Variants in EGFL6 observed in about 807,000 individuals in gnomAD.
EGFL6 encodes the protein EGF like domain multiple 6, also known as epidermal growth factor-like protein 6.
Under a neutral mutation model 43.1 loss-of-function variants are expected in EGFL6, and 42 were observed. The observed-to-expected ratio is 0.98, with a 90% CI of 0.76 to 1.26. The LOEUF (loss-of-function observed/expected upper bound fraction) is 1.26. Among genes scored for constraint, EGFL6 ranks in the 50% most tolerant of loss-of-function variants. The pLI is 0.00. For synonymous variants in EGFL6, 164 were observed against 163.2 expected (o/e 1.01, Z -0.04); for missense variants, 429 against 427.8 (o/e 1.00, Z -0.02).
intron 7 of EGFL6, among the ~76,000 whole-genome samples, chrX:13,613,668 G>A (rs2045704343): frequency 9.0e-6 from 1 of 111,683 alleles, no homozygotes; most frequent in Admixed American, 9.5e-5. Flanking sequence ...TATTCACACA[G>A]AATAAGTGAG....
chrX:13,623,844 T>G lies in EGFL6; in HGVS notation c.1204T>G (p.Cys402Gly), dbSNP rs977738246. 2.5e-6 allele frequency: 3 copies of G among 1,206,323 alleles called. No individual in the cohort carries two copies. Among genetic ancestry groups the G allele is most frequent in the African/African-American group, 3.5e-5 (2 of 56,983 alleles). The change falls in exon 10 of 12, where the codon TGC (cysteine) becomes GGC (glycine). Residue 402 changes from cysteine (C) to glycine (G), a missense_variant. By Grantham distance (159) the Cys-to-Gly change is radical. Coordinates refer to ENST00000361306, the MANE Select transcript of EGFL6 (RefSeq NM_015507.4). Reference protein sequence around the residue: ...EHKDLNISVDCSFNHGICDWK... With the variant: ...EHKDLNISVDGSFNHGICDWK... ...AGCAGATTTAAATATCTCGGTTGAC[T>G]GCAGCTTCAATCATGGGATCTGTGA... is the stretch of plus-strand genomic sequence containing the variant.
intron 1 of EGFL6, among the ~76,000 whole-genome samples, chrX:13,570,653 C>T (rs182511359): frequency 8.9e-6 from 1 of 112,036 alleles, no homozygotes; most frequent in African/African-American, 3.2e-5. Context: ...TGGTGACTGT[C>T]GACCTGGCAC....
rs183830216 is a variant in EGFL6 at position 13,599,911 on chromosome X, T to C, written c.281-64T>C. ...TGTCCTTTCCAAGACTGGGGTCTAA[T>C]ATTCCCCATCTGGAAGTTTCCTGAT... On this transcript the variant is annotated intron_variant, in intron 3 of 11. Transcript: ENST00000361306. 9.4e-6 allele frequency: 11 copies of C among 1,169,373 alleles called. No homozygotes were observed. The East Asian group carries it at 2.7e-4, about 29-fold the overall frequency.
chrX:13,576,619 G>A (rs2045472732), intron 1 of EGFL6, among the ~76,000 whole-genome samples: 1 of 111,737 alleles, frequency 8.9e-6, no homozygotes, highest in African/African-American at 3.3e-5. Flanking sequence ...TGAAGGCTGG[G>A]AAATGTAGTC....
In EGFL6 at chrX:13,633,371, A is replaced by G. The variant is rs1239469450; in HGVS notation, c.*276A>G. ...CCCCTCCTCAGTATATCTGATTTGT[A>G]TAAGTAAGTTGATGAGCTTCTCTCT... is the stretch of plus-strand genomic sequence containing the variant. On this transcript the variant is annotated 3_prime_UTR_variant, in exon 12 of 12. Transcript: ENST00000361306. 1.9e-5 allele frequency: 4 copies of G among 209,187 alleles called. No individual in the cohort carries two copies. Among genetic ancestry groups the G allele is most frequent in the Admixed American group, 1.5e-4 (2 of 13,676 alleles). The allele number at this position is 209,187 out of a possible 1,213,427, so 17.2% of individuals were successfully genotyped here. A position where few individuals can be genotyped will look rare whatever the true frequency, so the allele number is the denominator to read the frequency against.
chrX:13,624,028 G>T, intron 10 of EGFL6, 103 bp downstream of exon 10: 1 of 673,484 alleles, frequency 1.5e-6, no homozygotes. Context: ...GAGCAGGGTT[G>T]TTTGTCATTT....
At chrX:13,617,302 T>C (rs2045724241) in intron 7 of EGFL6, among the ~76,000 whole-genome samples, 1 of 111,995 alleles carries the variant, frequency 8.9e-6, no homozygotes, top group South Asian at 3.7e-4. Context: ...TATTAGCAAT[T>C]TATATGGTTC....
chrX:13,600,277 CTTCTTT>C (rs1156396135), intron 4 of EGFL6, among the ~76,000 whole-genome samples, 183 bp downstream of exon 4: 1 of 60,652 alleles, frequency 1.6e-5, no homozygotes, highest in Non-Finnish European at 2.8e-5. Flanking sequence ...TTCTTTCTTT[CTTCTTT>C]TTTTTTTTTT....
intron 3 of EGFL6, among the ~76,000 whole-genome samples, chrX:13,599,014 A>C (rs1347692511): frequency 9.3e-6 from 1 of 107,078 alleles, no homozygotes; most frequent in Non-Finnish European, 1.9e-5. Flanking sequence ...ACTTAGGATT[A>C]AATATTGTCC....
intron 4 of EGFL6, 64 bp downstream of exon 4, chrX:13,600,158 C>T: frequency 9.0e-7 from 1 of 1,116,300 alleles, no homozygotes; most frequent in East Asian, 3.2e-5. Flanking sequence ...CCATTTGATG[C>T]TTGGGGAAAA....
chrX:13,575,492 A>G (rs898085919), intron 1 of EGFL6, among the ~76,000 whole-genome samples: 4 of 111,976 alleles, frequency 3.6e-5, no homozygotes, highest in South Asian at 7.5e-4. Context: ...ATCTTCAAGC[A>G]AAGGAGAGAG....
chrX:13,590,658 A>G (rs1177539688), intron 2 of EGFL6, among the ~76,000 whole-genome samples: 1 of 112,280 alleles, frequency 8.9e-6, no homozygotes, highest in African/African-American at 3.2e-5. Flanking sequence ...TGGATTGACC[A>G]TAAGTGGGGT....
Position 13,589,609 on chromosome X carries a change from A to G in EGFL6, c.128A>G (p.Tyr43Cys), listed in dbSNP as rs1569203189. ...ASARQPGVCH[Y>C]GTKLACCYGW... ...GCACGTCAGCCTGGGGTCTGTCACTATGGAACTAAACTGGCCTGCTGCTAC... is the reference window on the plus strand; with the variant it reads ...GCACGTCAGCCTGGGGTCTGTCACTGTGGAACTAAACTGGCCTGCTGCTAC... Residue 43 changes from tyrosine to cysteine, a missense_variant, in exon 2 of 12, where the codon TAT becomes TGT. Transcript: ENST00000361306. 2 of 1,211,530 alleles carry G rather than the reference A, an allele frequency of 1.7e-6. No homozygotes were observed. Among genetic ancestry groups the G allele is most frequent in the Non-Finnish European group, 2.2e-6 (2 of 895,323 alleles).
At chrX:13,623,401 A>G (rs1416258525) in intron 9 of EGFL6, among the ~76,000 whole-genome samples, 1 of 16,399 alleles carries the variant, frequency 6.1e-5, no homozygotes, top group African/African-American at 4.8e-4. Context: ...TTTTTTTGAG[A>G]CAGAGTCTCA....
intron 2 of EGFL6, among the ~76,000 whole-genome samples, chrX:13,594,582 C>G (rs748344974): frequency 4.2e-4 from 47 of 111,794 alleles, no homozygotes; most frequent in Non-Finnish European, 7.9e-4. Flanking sequence ...GAGTCTCTTC[C>G]AGTTCCAACA....
intron 2 of EGFL6, among the ~76,000 whole-genome samples, chrX:13,593,577 G>C (rs1269337178): frequency 8.9e-6 from 1 of 111,762 alleles, no homozygotes; most frequent in East Asian, 2.8e-4. Flanking sequence ...TAGGCTGTTA[G>C]ACTCCTGCAT....
At position 13,597,276 on chromosome X, in the gene EGFL6, A is replaced by G. The variant is rs148749453; in HGVS notation, c.280+2348A>G. On this transcript the variant is annotated intron_variant, in intron 3 of 11. Coordinates refer to ENST00000361306, the MANE Select transcript of EGFL6 (RefSeq NM_015507.4). The stretch of plus-strand genomic sequence containing the variant: ...GCCCTTGGAGAATGGAGTTTCAGAG[A>G]AGACTGGACACCCACTCCACTCTAC... Among the ~76,000 whole-genome samples, 715 of 111,711 alleles carry G rather than the reference A, an allele frequency of 6.4e-3. 4 individuals are homozygous for G. The highest frequency in any genetic ancestry group is 0.022 in the African/African-American group (683 of 30,679).
At chrX:13,594,408 C>T (rs2045584982) in intron 2 of EGFL6, among the ~76,000 whole-genome samples, 1 of 111,668 alleles carries the variant, frequency 9.0e-6, no homozygotes, top group African/African-American at 3.3e-5. Flanking sequence ...AGAAGCAGCA[C>T]CTTCCTCCCT....
rs866374037 is a variant in EGFL6, at chrX:13,577,314, A to G, written c.74+7379A>G. ...ATATGAATTTTATATATATATATAT[A>G]TATATATATATATATATATATATAT... On this transcript the variant is annotated intron_variant, in intron 1 of 11. Transcript: ENST00000361306. 1.3e-3 allele frequency among the ~76,000 whole-genome samples: 18 copies of G among 14,170 alleles called. No individual in the cohort carries two copies. The East Asian group carries it at 0.091, about 72-fold the overall frequency. 12.3% of individuals were successfully genotyped at this position (14,170 alleles called of 115,157 possible).
Sources: gnomAD v4.1 joint callset for allele counts (sites outside exome capture counted in the v4.1 genomes callset) on GRCh38, gnomAD v4.1.1 for gene constraint, MANE v1.5 for transcripts, NCBI Gene and HGNC (gene_info 2026-07-23, HGNC 2026-07-21) for gene names.